Variants in SCNN1B observed in about 807,000 individuals in gnomAD.
SCNN1B encodes sodium channel epithelial 1 subunit beta, also known as epithelial sodium channel subunit beta.
Under a neutral mutation model 65.3 loss-of-function variants are expected in SCNN1B, and 46 were observed. The observed-to-expected ratio is 0.70, with a 90% CI of 0.56 to 0.90. The LOEUF is 0.90. SCNN1B is among the 40% of genes least tolerant of loss of function. The pLI, the probability that SCNN1B is intolerant of heterozygous loss-of-function variation, is 0.00. For missense variants in SCNN1B, 751 were observed against 830.5 expected, an observed-to-expected ratio of 0.90 and a Z score of 1.18; for synonymous variants, 349 against 330.6, an observed-to-expected ratio of 1.06 and a Z score of -0.60.
At chr16:23,358,156 G>C (rs1962458995) in intron 4 of SCNN1B, 1 of 152,252 alleles carries the variant, frequency 6.6e-6, no homozygotes, top group South Asian at 2.1e-4. Flanking sequence ...TAGCTGGCCT[G>C]TTGTCAACAT....
chr16:23,342,325 G>A (rs1331201773), intron 1 of SCNN1B, among the ~76,000 whole-genome samples: 1 of 152,214 alleles, frequency 6.6e-6, no homozygotes, highest in Non-Finnish European at 1.5e-5. Context: ...TCTGCTCACT[G>A]CAAACTCTGC....
intron 1 of SCNN1B, among the ~76,000 whole-genome samples, chr16:23,330,087 C>G (rs2142000342): frequency 6.6e-6 from 1 of 152,158 alleles, no homozygotes; most frequent in African/African-American, 2.4e-5. Context: ...CCCAGCTCAG[C>G]AAAACATTGT....
intron 1 of SCNN1B, among the ~76,000 whole-genome samples, chr16:23,324,608 C>T (rs574805406): frequency 6.6e-6 from 1 of 152,248 alleles, no homozygotes; most frequent in East Asian, 1.9e-4. Context: ...ATCAGGTTGA[C>T]CTTATTTTTC....
At chr16:23,320,081 G>A (rs1961556685) in intron 1 of SCNN1B, among the ~76,000 whole-genome samples, 1 of 152,158 alleles carries the variant, frequency 6.6e-6, no homozygotes, top group Non-Finnish European at 1.5e-5. Flanking sequence ...TGAGTCACTA[G>A]GGGTCTTGTT....
chr16:23,308,523 TA>T, intron 1 of SCNN1B, among the ~76,000 whole-genome samples: 2 of 152,286 alleles, frequency 1.3e-5, no homozygotes, highest in Admixed American at 1.3e-4. Flanking sequence ...GCCCTGTCTC[TA>T]AAAAACAGAA....
At chr16:23,346,488 C>A (rs2142014473) in intron 1 of SCNN1B, among the ~76,000 whole-genome samples, 1 of 152,244 alleles carries the variant, frequency 6.6e-6, no homozygotes, top group African/African-American at 2.4e-5. Context: ...TCCCAAAGTG[C>A]TGGGATTACA....
chr16:23,334,244 C>T (rs1485998935), intron 1 of SCNN1B, among the ~76,000 whole-genome samples: 2 of 152,096 alleles, frequency 1.3e-5, no homozygotes, highest in East Asian at 3.9e-4. Flanking sequence ...TCAACACTGC[C>T]TTACAGTGAA....
rs1963016015 is a variant in SCNN1B at position 23,380,345 on chromosome 16, T to C, written c.1543-76T>C. 1.9e-6 allele frequency: 3 copies of C among 1,607,236 alleles called. No individual in the cohort carries two copies. The highest frequency in any genetic ancestry group is 2.2e-5 in the South Asian group (2 of 90,880). ...CTCCCGTTCCCACCCAAGAATCACC[T>C]CCCAGGAAGCTGTGAGGCTGGGCTA... On this transcript the variant is annotated intron_variant, in intron 12 of 12. Transcript: ENST00000343070. This position sits in a 1 kb window ranked among gnomAD's most constrained non-coding sequence, Gnocchi z 5.4.
chr16:23,361,760 A>C (rs1962557796), intron 4 of SCNN1B, among the ~76,000 whole-genome samples: 1 of 151,310 alleles, frequency 6.6e-6, no homozygotes, highest in South Asian at 2.1e-4. Flanking sequence ...TTCTCTAAAG[A>C]GCTCTGTTTG....
At chr16:23,310,514 A>G (rs1952258910) in intron 1 of SCNN1B, among the ~76,000 whole-genome samples, 2 of 152,146 alleles carry the variant, frequency 1.3e-5, no homozygotes, top group Admixed American at 1.3e-4. Flanking sequence ...GTGAGACCCC[A>G]CCTCTATAAT....
intron 1 of SCNN1B, among the ~76,000 whole-genome samples, chr16:23,305,555 T>TAAAA (rs1961187519): frequency 2.0e-5 from 1 of 49,570 alleles, no homozygotes; most frequent in Non-Finnish European, 3.2e-5. Context: ...TATATATATA[T>TAAAA]ATATATATAT....
chr16:23,318,095 G>A (rs1206883713), intron 1 of SCNN1B, among the ~76,000 whole-genome samples: 1 of 152,228 alleles, frequency 6.6e-6, no homozygotes, highest in Non-Finnish European at 1.5e-5. Context: ...TTCTGGAGAA[G>A]ATTGTGTCTG....
At chr16:23,350,635 G>A (rs558785334) in intron 2 of SCNN1B, among the ~76,000 whole-genome samples, 3 of 152,272 alleles carry the variant, frequency 2.0e-5, no homozygotes, top group South Asian at 2.1e-4. Context: ...AGTCCTGACC[G>A]GGCACAGTGG....
chr16:23,369,462 G>T (rs770658522), intron 5 of SCNN1B, among the ~76,000 whole-genome samples: 1 of 152,184 alleles, frequency 6.6e-6, no homozygotes, highest in Non-Finnish European at 1.5e-5. Context: ...GGGGCATGGT[G>T]GATGACGGAT....
At chr16:23,340,924 A>G (rs1962042260) in intron 1 of SCNN1B, among the ~76,000 whole-genome samples, 1 of 151,960 alleles carries the variant, frequency 6.6e-6, no homozygotes, top group Admixed American at 6.6e-5. Flanking sequence ...GTGCATGTGT[A>G]CACATGCATG....
intron 1 of SCNN1B, among the ~76,000 whole-genome samples, chr16:23,313,817 G>A (rs1250752611): frequency 6.6e-6 from 1 of 152,112 alleles, no homozygotes; most frequent in Non-Finnish European, 1.5e-5. Flanking sequence ...TCTCCATGTT[G>A]GCCAGGATGG....
Position 23,380,623 on chromosome 16 carries a change from T to C in SCNN1B, c.1745T>C (p.Val582Ala), listed in dbSNP as rs1963026711. 1.2e-6 allele frequency: 2 copies of C among 1,613,740 alleles called. No individual in the cohort carries two copies. Among genetic ancestry groups the C allele is most frequent in the Non-Finnish European group, 8.5e-7 (1 of 1,179,862 alleles). Residue 582 changes from valine to alanine, a missense_variant, in exon 13 of 13, where the codon GTG (valine) becomes GCG (alanine). Val to Ala is a moderately conservative substitution (Grantham distance 64). Transcript: ENST00000343070. The surrounding 1 kb of genome is among the most constrained non-coding windows in gnomAD (Gnocchi z 5.4). The stretch of plus-strand genomic sequence containing the variant: ...CCACCGCCCACCGTGGCCGAGCTGG[T>C]GGAGGCCCACACCAACTTTGGCTTC... ...AGPPPTVAEL[V>A]EAHTNFGFQP...
intron 4 of SCNN1B, among the ~76,000 whole-genome samples, chr16:23,360,941 G>A (rs1256325308): frequency 6.6e-6 from 1 of 151,934 alleles, no homozygotes; most frequent in Non-Finnish European, 1.5e-5. Flanking sequence ...ACTACAGGCA[G>A]CCGCCACCAC....
At chr16:23,376,777 A>G (rs1962907224) in intron 8 of SCNN1B, among the ~76,000 whole-genome samples, 1 of 152,070 alleles carries the variant, frequency 6.6e-6, no homozygotes, top group African/African-American at 2.4e-5. Flanking sequence ...AAGAAAAAAA[A>G]AAGTAAAAGA....
Sources: allele counts gnomAD v4.1 joint callset (sites outside exome capture counted in the v4.1 genomes callset), GRCh38; gene constraint gnomAD v4.1.1; non-coding constraint Gnocchi (gnomAD v3.1); transcripts MANE v1.5; gene names NCBI Gene and HGNC (gene_info 2026-07-23, HGNC 2026-07-21).